Variants in C4BPA observed in about 807,000 individuals in gnomAD.
C4BPA encodes the protein complement component 4 binding protein alpha.
Under a neutral mutation model 63.7 loss-of-function variants are expected in C4BPA, and 31 were observed. The ratio of observed to expected loss-of-function variants is 0.49; its 90% CI spans 0.37 to 0.66. The LOEUF is 0.66. Ranked by LOEUF, C4BPA falls within the 30% of genes least tolerant of loss-of-function variation. The probability of loss-of-function intolerance (pLI) is 0.00; values close to 1 mark genes in which losing one functional copy is unlikely to be tolerated. For missense variants in C4BPA, 572 were observed against 723.3 expected, an observed-to-expected ratio of 0.79 and a Z score of 2.40; for synonymous variants, 259 against 254.7, an observed-to-expected ratio of 1.02 and a Z score of -0.16.
intron 1 of C4BPA, among the ~76,000 whole-genome samples, chr1:207,110,689 T>A (rs1481115194): frequency 1.3e-5 from 2 of 152,150 alleles, no homozygotes; most frequent in African/African-American, 4.8e-5. Flanking sequence ...TATAAATATA[T>A]CCTTTTTGAA....
At chr1:207,142,432 C>A (rs555615333) in intron 10 of C4BPA, among the ~76,000 whole-genome samples, 2 of 152,126 alleles carry the variant, frequency 1.3e-5, no homozygotes, top group Non-Finnish European at 1.5e-5. Context: ...TGGGTATATG[C>A]CCAGTAATGG....
In C4BPA at chr1:207,130,002, G is replaced by T. The variant is rs12759242; in HGVS notation, c.890-1544G>T. 1.8e-3 allele frequency among the ~76,000 whole-genome samples: 280 copies of T among 152,060 alleles called. 1 individual carries two copies. Among genetic ancestry groups the T allele is most frequent in the South Asian group, 4.2e-3 (20 of 4,818 alleles). ...TTATTGTCAAATATATTGCATTTCTGTATGTTATAGGCTTAATAATGCAAT... is the reference window on the plus strand; with the variant it reads ...TTATTGTCAAATATATTGCATTTCTTTATGTTATAGGCTTAATAATGCAAT... On this transcript the variant is annotated intron_variant, in intron 7 of 11. Transcript: ENST00000367070.
At chr1:207,130,184 T>C (rs1330032625) in intron 7 of C4BPA, among the ~76,000 whole-genome samples, 1 of 152,210 alleles carries the variant, frequency 6.6e-6, no homozygotes, top group African/African-American at 2.4e-5. Flanking sequence ...CTGGTGTCAA[T>C]TGCTTTCAGT....
intron 7 of C4BPA, 103 bp downstream of exon 7, chr1:207,126,998 T>A: frequency 1.3e-6 from 1 of 786,158 alleles, no homozygotes; most frequent in Non-Finnish European, 2.0e-6. Flanking sequence ...TGAATTACAG[T>A]AAAAATTTAC....
chr1:207,123,860 C>G, intron 4 of C4BPA, 62 bp from the exon 5 acceptor site: 139 of 864,008 alleles, frequency 1.6e-4, no homozygotes, highest in Non-Finnish European at 2.4e-4. Context: ...TTTGCTCAGA[C>G]CTCTTTAATT....
At chr1:207,109,890 A>G (rs1019705981) in intron 1 of C4BPA, among the ~76,000 whole-genome samples, 1 of 152,200 alleles carries the variant, frequency 6.6e-6, no homozygotes, top group Non-Finnish European at 1.5e-5. Flanking sequence ...CCTTGCTTTA[A>G]AATCAGGTAA....
chr1:207,133,331 T>A (rs1685201865), intron 8 of C4BPA, among the ~76,000 whole-genome samples: 1 of 152,240 alleles, frequency 6.6e-6, no homozygotes, highest in South Asian at 2.1e-4. Flanking sequence ...ACTGGTCGAG[T>A]TACTGACATG....
intron 2 of C4BPA, 115 bp from the exon 3 acceptor site, chr1:207,113,985 C>A: frequency 1.2e-6 from 1 of 820,330 alleles, no homozygotes. Context: ...TTTTTCTTGA[C>A]TAGAGATCAT....
Position 207,143,976 on chromosome 1 carries a change from G to A in C4BPA, c.1603G>A (p.Val535Met). 6.3e-7 allele frequency: 1 copy of A among 1,581,468 alleles called. No individual in the cohort carries two copies. The highest frequency in any genetic ancestry group is 1.2e-5 in the South Asian group (1 of 84,806). Reference sequence around the variant, plus strand: ...TGGGAACAGAACCTGGTACCCAGAGGTGCCCAAGTGTGAGTGGGTAAGTGG... The same window carrying A: ...TGGGAACAGAACCTGGTACCCAGAGATGCCCAAGTGTGAGTGGGTAAGTGG... ...CSGNRTWYPE[V>M]PKCEWETPEG... Residue 535 changes from valine to methionine, a missense_variant, in exon 11 of 12, where the codon GTG becomes ATG. Coordinates refer to ENST00000367070, the MANE Select transcript of C4BPA (RefSeq NM_000715.4).
intron 4 of C4BPA, among the ~76,000 whole-genome samples, chr1:207,121,008 A>T (rs1684910976): frequency 2.0e-5 from 3 of 152,146 alleles, no homozygotes; most frequent in African/African-American, 7.2e-5. Context: ...AGGTCTTGTT[A>T]TGTTGCTCAT....
At chr1:207,117,530 C>T (rs541904720) in intron 4 of C4BPA, among the ~76,000 whole-genome samples, 1 of 152,168 alleles carries the variant, frequency 6.6e-6, no homozygotes, top group African/African-American at 2.4e-5. Flanking sequence ...AATATGTTAC[C>T]GTAGAGAAGG....
At chr1:207,140,932 G>C (rs1055278789) in intron 9 of C4BPA, among the ~76,000 whole-genome samples, 174 bp from the exon 10 acceptor site, 1 of 152,238 alleles carries the variant, frequency 6.6e-6, no homozygotes, top group African/African-American at 2.4e-5. Context: ...TGGTTGCCCA[G>C]CTTGAGGCTT....
At chr1:207,115,258 A>G (rs1684760605) in intron 3 of C4BPA, among the ~76,000 whole-genome samples, 158 bp from the exon 4 acceptor site, 1 of 152,196 alleles carries the variant, frequency 6.6e-6, no homozygotes. Context: ...CAAATTTTGT[A>G]TTAATTTTGA....
intron 7 of C4BPA, among the ~76,000 whole-genome samples, chr1:207,129,493 A>C (rs1685117818): frequency 6.6e-6 from 1 of 151,972 alleles, no homozygotes; most frequent in South Asian, 2.1e-4. Flanking sequence ...CTCAAGTAGG[A>C]TATTGCAAAA....
At chr1:207,111,388 G>A (rs1271159906) in intron 1 of C4BPA, among the ~76,000 whole-genome samples, 2 of 152,184 alleles carry the variant, frequency 1.3e-5, no homozygotes, top group African/African-American at 4.8e-5. Flanking sequence ...TTTACGTATT[G>A]GCAGAATTGC....
At chr1:207,136,842 T>A (rs535251974) in intron 9 of C4BPA, among the ~76,000 whole-genome samples, 2 of 152,142 alleles carry the variant, frequency 1.3e-5, no homozygotes, top group East Asian at 3.8e-4. Flanking sequence ...ACCCTCCCCC[T>A]ACTAGAGCAA....
At chr1:207,119,382 A>T (rs1684878753) in intron 4 of C4BPA, among the ~76,000 whole-genome samples, 1 of 93,420 alleles carries the variant, frequency 1.1e-5, no homozygotes, top group Non-Finnish European at 2.7e-5. Context: ...GGCCATACTA[A>T]CTTGGCATTA....
chr1:207,128,010 T>C (rs958612226), intron 7 of C4BPA, among the ~76,000 whole-genome samples: 5 of 152,238 alleles, frequency 3.3e-5, no homozygotes, highest in Middle Eastern at 3.4e-3. Context: ...CATGCATCAG[T>C]GTCTGTTCCT....
rs1206615150 is a variant in C4BPA at position 207,118,173 on chromosome 1, ATCTATATC to A, written c.428+2660_428+2667del. On this transcript the variant is annotated intron_variant, in intron 4 of 11. Transcript: ENST00000367070. The stretch of plus-strand genomic sequence containing the variant: ...TGTCTGTCTGTCTGTCTGTCTATCT[ATCTATATC>A]TATCTATCTATCATCTATCTATCTA... Among the ~76,000 whole-genome samples, 262 of 148,432 alleles carry A rather than the reference ATCTATATC, an allele frequency of 1.8e-3. 1 individual carries two copies. Among genetic ancestry groups the A allele is most frequent in the African/African-American group, 5.0e-3 (205 of 40,702 alleles).
Sources: allele counts gnomAD v4.1 joint callset (sites outside exome capture counted in the v4.1 genomes callset), GRCh38; gene constraint gnomAD v4.1.1; transcripts MANE v1.5; gene names NCBI Gene and HGNC (gene_info 2026-07-23, HGNC 2026-07-21).